Variants in GOLGA3 observed in about 807,000 individuals in gnomAD.
The protein encoded by GOLGA3 is golgin A3.
A neutral mutation model predicts 169.4 loss-of-function variants in GOLGA3; 75 were observed. The ratio of observed to expected loss-of-function variants is 0.44; its 90% CI spans 0.37 to 0.54. GOLGA3 has a LOEUF of 0.54. Ranked by LOEUF, GOLGA3 falls within the 20% of genes least tolerant of loss-of-function variation. GOLGA3 has a pLI of 0.00. For synonymous variants in GOLGA3, 824 were observed against 822.4 expected (o/e 1.00, Z -0.03); for missense variants, 1,899 against 1,930.0 (o/e 0.98, Z 0.30).
At chr12:132,779,632 T>C in intron 18 of GOLGA3, among the ~76,000 whole-genome samples, 1 of 152,216 alleles carries the variant, frequency 6.6e-6, no homozygotes, top group Middle Eastern at 3.2e-3. Flanking sequence ...TGTTCTTTCC[T>C]GCCTTTCTCT....
At chr12:132,815,663 A>C (rs1304826601) in intron 3 of GOLGA3, among the ~76,000 whole-genome samples, 1 of 152,240 alleles carries the variant, frequency 6.6e-6, no homozygotes, top group Non-Finnish European at 1.5e-5. Flanking sequence ...TGGGAGGCCA[A>C]GGTATGACGA....
intron 4 of GOLGA3, among the ~76,000 whole-genome samples, chr12:132,812,002 C>CAAAAAA (rs71076477): frequency 5.0e-5 from 2 of 39,894 alleles, no homozygotes; most frequent in Non-Finnish European, 8.4e-5. Flanking sequence ...CTCCGTCTCT[C>CAAAAAA]AAAAAAAAAA....
At chr12:132,805,375 G>A (rs80036493) in intron 6 of GOLGA3, among the ~76,000 whole-genome samples, 2 of 3,588 alleles carry the variant, frequency 5.6e-4, no homozygotes, top group Admixed American at 2.4e-3. Flanking sequence ...GGCCTGACAG[G>A]GGACCCCGAG....
rs1347066590 is a variant in GOLGA3 at position 132,774,237 on chromosome 12, C to T, written c.4227G>A (p.Leu1409=). The change falls in exon 23 of 24, where the codon CTG becomes CTA. Residue 1409 remains leucine (L), a synonymous_variant. Coordinates refer to ENST00000450791, the MANE Select transcript of GOLGA3 (RefSeq NM_001389683.1). ...GCGGTGGTCTCAGCAGCTCCTCCAG[C>T]AGCGAGGCGGGAACTGGGCAGTCCG... The part of the protein sequence containing the change: ...KIPDCPVPAS[L]LEELLRPPPA... The T allele has an allele frequency of 6.2e-7, 1 of 1,612,060 alleles. No individual in the cohort carries two copies. Among genetic ancestry groups the T allele is most frequent in the Non-Finnish European group, 8.5e-7 (1 of 1,179,938 alleles).
rs2044850183 is a variant in GOLGA3, at chr12:132,770,458, C to T, written c.*2647G>A. On this transcript the variant is annotated 3_prime_UTR_variant, in exon 24 of 24. Transcript: ENST00000450791. ...GGGAGGCATCGCACCCAAGGGCACA[C>T]ACGCAGGAAAACCGGGGTGAGAACA... is the stretch of plus-strand genomic sequence containing the variant. The T allele has an allele frequency of 6.6e-6, 1 of 152,006 alleles. No individual in the cohort carries two copies. The allele number at this position is 152,006 out of a possible 1,614,324, so 9.4% of individuals were successfully genotyped here.
intron 17 of GOLGA3, 70 bp from the exon 18 acceptor site, chr12:132,780,984 G>A: frequency 8.5e-7 from 1 of 1,170,074 alleles, no homozygotes; most frequent in South Asian, 1.2e-5. Context: ...TGCTACAGCA[G>A]GCAACGTGAC....
chr12:132,802,265 C>T (rs10781649), intron 7 of GOLGA3, among the ~76,000 whole-genome samples: 89,388 of 151,810 alleles, frequency 0.59, 26,512 homozygotes, highest in East Asian at 0.7. Context: ...CGACACCGAT[C>T]TAATACATAG....
At chr12:132,798,726 C>A (rs981530065) in intron 8 of GOLGA3, among the ~76,000 whole-genome samples, 2 of 152,322 alleles carry the variant, frequency 1.3e-5, no homozygotes, top group African/African-American at 2.4e-5. Context: ...CATCAGACTG[C>A]GGTTTGTAGC....
chr12:132,780,220 AC>A (rs535776944), intron 18 of GOLGA3, among the ~76,000 whole-genome samples: 1 of 151,680 alleles, frequency 6.6e-6, no homozygotes, highest in Non-Finnish European at 1.5e-5. Flanking sequence ...GTGCACGCAC[AC>A]CCCCCATGTG....
intron 8 of GOLGA3, among the ~76,000 whole-genome samples, chr12:132,799,167 A>G (rs536390164): frequency 1.3e-5 from 2 of 152,338 alleles, no homozygotes; most frequent in African/African-American, 4.8e-5. Flanking sequence ...GGACCTCAGG[A>G]GAAGGTGCAC....
At chr12:132,783,918 G>A (rs1175337735) in intron 16 of GOLGA3, 7 of 1,433,034 alleles carry the variant, frequency 4.9e-6, no homozygotes, top group Non-Finnish European at 5.5e-6. Flanking sequence ...GAACTGAGAA[G>A]GGTTCCACTA....
chr12:132,775,693 T>C (rs1652167009), intron 21 of GOLGA3, among the ~76,000 whole-genome samples: 1 of 152,148 alleles, frequency 6.6e-6, no homozygotes, highest in African/African-American at 2.4e-5. Flanking sequence ...GGACTACAGG[T>C]GTGAGCCACC....
intron 8 of GOLGA3, among the ~76,000 whole-genome samples, chr12:132,799,284 T>C (rs1949019101): frequency 6.6e-6 from 1 of 152,182 alleles, no homozygotes; most frequent in Non-Finnish European, 1.5e-5. Context: ...AATGAAGGGA[T>C]ACATTTGGGT....
intron 15 of GOLGA3, 26 bp downstream of exon 15, chr12:132,786,313 G>A (rs777670468): frequency 2.0e-6 from 3 of 1,499,400 alleles, no homozygotes; most frequent in South Asian, 2.4e-5. Flanking sequence ...GGTGACCCTG[G>A]CCGGGGATGG....
At chr12:132,826,100 T>C in intron 1 of GOLGA3, 1 of 1,506,200 alleles carries the variant, frequency 6.6e-7, no homozygotes, top group Non-Finnish European at 9.2e-7. Context: ...GTGCCGGCCT[T>C]GCCGGCCTCT....
At position 132,804,871 on chromosome 12, in the gene GOLGA3, T is replaced by G; in HGVS notation, c.1442A>C (p.Glu481Ala). 6.2e-7 allele frequency: 1 copy of G among 1,614,110 alleles called. No individual in the cohort carries two copies. The highest frequency in any genetic ancestry group is 8.5e-7 in the Non-Finnish European group (1 of 1,180,028). Residue 481 changes from glutamate (E) to alanine (A), a missense_variant, in exon 7 of 24, where the codon GAG becomes GCG. Transcript: ENST00000450791. This position sits in a 1 kb window ranked among gnomAD's most constrained non-coding sequence, Gnocchi z 4.1. ...GTTCTGCAGGTCAGTCATGGCTCGC[T>G]CCAGGTCCCAGCACGACTGCTTCAG... ...DTLKQSCWDL[E>A]RAMTDLQNML...
intron 1 of GOLGA3, among the ~76,000 whole-genome samples, chr12:132,825,375 T>C (rs1950370050): frequency 1.3e-5 from 2 of 152,330 alleles, no homozygotes; most frequent in South Asian, 4.1e-4. Context: ...GCCCATTACA[T>C]GGCGAGATCC....
At chr12:132,813,967 A>G (rs1593367394) in intron 3 of GOLGA3, among the ~76,000 whole-genome samples, 1 of 136,456 alleles carries the variant, frequency 7.3e-6, no homozygotes, top group Non-Finnish European at 1.6e-5. Context: ...CTCATGATCC[A>G]CCCGCCTCGG....
intron 2 of GOLGA3, among the ~76,000 whole-genome samples, chr12:132,818,196 G>A (rs1281968592): frequency 6.9e-6 from 1 of 145,268 alleles, no homozygotes; most frequent in Admixed American, 7.0e-5. Context: ...ACACTATAAG[G>A]TGAACTCACC....
Sources: allele counts gnomAD v4.1 joint callset (sites outside exome capture counted in the v4.1 genomes callset), GRCh38; gene constraint gnomAD v4.1.1; non-coding constraint Gnocchi (gnomAD v3.1); transcripts MANE v1.5; gene names NCBI Gene and HGNC (gene_info 2026-07-23, HGNC 2026-07-21).